The following CHRNB3 variants were observed in gnomAD, a reference collection of about 807,000 sequenced individuals.
CHRNB3 encodes neuronal acetylcholine receptor subunit beta-3.
A neutral mutation model predicts 40.6 loss-of-function variants in CHRNB3; 37 were observed. The observed-to-expected ratio is 0.91, with a 90% CI of 0.70 to 1.20. The LOEUF is 1.20. CHRNB3 is among the 50% of genes most tolerant of loss of function. The pLI is 0.00. For missense variants in CHRNB3, 505 were observed against 551.2 expected (o/e 0.92, Z 0.84); for synonymous variants, 207 against 207.1 (o/e 1.00, Z 0.00).
At chr8:42,703,280 T>C (rs142092460) in intron 1 of CHRNB3, among the ~76,000 whole-genome samples, 1,668 of 151,036 alleles carry the variant, frequency 0.011, 37 homozygotes, top group African/African-American at 0.039. Context: ...AAAAATTAGC[T>C]GGGCATGTTG....
chr8:42,724,536 G>A (rs1335951379), intron 3 of CHRNB3, among the ~76,000 whole-genome samples: 1 of 152,088 alleles, frequency 6.6e-6, no homozygotes, highest in East Asian at 1.9e-4. Context: ...GGGGTTGGTC[G>A]ACTGCTACAG....
chr8:42,708,474 TACACACACAC>T (rs4955), intron 1 of CHRNB3, among the ~76,000 whole-genome samples: 1 of 148,814 alleles, frequency 6.7e-6, no homozygotes, highest in African/African-American at 2.5e-5. Context: ...TCAAAAAAAA[TACACACACAC>T]ACACACACAC....
rs866291587 is a variant in CHRNB3 at position 42,732,696 on chromosome 8, G to A, written c.1242+147G>A. 1.4e-5 allele frequency: 11 copies of A among 773,568 alleles called. No individual in the cohort carries two copies. The Middle Eastern group carries it at 1.2e-3, about 84-fold the overall frequency. The allele number at this position is 773,568 out of a possible 1,614,324, so 47.9% of individuals were successfully genotyped here. On this transcript the variant is annotated intron_variant, in intron 5 of 5. Transcript: ENST00000289957. ...TTTATACATATAACATTTAAAGCAA[G>A]CCCTGACATAACATAGCGACATTAG...
At chr8:42,706,795 C>G (rs758247183) in intron 1 of CHRNB3, among the ~76,000 whole-genome samples, 9 of 152,140 alleles carry the variant, frequency 5.9e-5, no homozygotes, top group Admixed American at 1.3e-4. Flanking sequence ...GGGTCTTGCT[C>G]TGTCACCTAG....
In CHRNB3 at chr8:42,710,367, T is replaced by C. The variant is rs369617386; in HGVS notation, c.205-23T>C. The C allele has an allele frequency of 5.1e-6, 8 of 1,561,140 alleles. No individual in the cohort carries two copies. In the African/African-American group the frequency reaches 1.1e-4, roughly 21 times the overall value. On this transcript the variant is annotated intron_variant, in intron 2 of 5. Coordinates refer to ENST00000289957, the MANE Select transcript of CHRNB3 (RefSeq NM_000749.5). The stretch of plus-strand genomic sequence containing the variant: ...TTATTTTCACTTCAACTTACAGTAT[T>C]TTTTAAATTTTCATTTTCTTAGGAT...
At chr8:42,703,655 AT>A (rs758103472) in intron 1 of CHRNB3, among the ~76,000 whole-genome samples, 1 of 151,954 alleles carries the variant, frequency 6.6e-6, no homozygotes, top group Non-Finnish European at 1.5e-5. Flanking sequence ...CCTTGAGCGC[AT>A]CTGTGATTTT....
intron 1 of CHRNB3, 26 bp downstream of exon 1, chr8:42,697,624 A>T: frequency 6.3e-7 from 1 of 1,580,844 alleles, no homozygotes; most frequent in Non-Finnish European, 8.7e-7. Flanking sequence ...AGTAAATTAA[A>T]ACTACAGTTG....
chr8:42,705,396 G>C (rs1343845564), intron 1 of CHRNB3, among the ~76,000 whole-genome samples: 1 of 152,240 alleles, frequency 6.6e-6, no homozygotes, highest in East Asian at 1.9e-4. Context: ...CAACGCAGTA[G>C]TGTTGGGAGG....
chr8:42,708,353 G>C (rs1815953094), intron 1 of CHRNB3, among the ~76,000 whole-genome samples: 1 of 151,910 alleles, frequency 6.6e-6, no homozygotes, highest in Admixed American at 6.6e-5. Context: ...GTAGTCCCAG[G>C]TACTCGAGAG....
At position 42,708,720 on chromosome 8, in the gene CHRNB3, C is replaced by A. The variant is rs1815961276; in HGVS notation, c.56C>A (p.Thr19Asn). The A allele has an allele frequency of 1.2e-6, 2 of 1,613,702 alleles. No homozygotes were observed. Among genetic ancestry groups the A allele is most frequent in the African/African-American group, 1.3e-5 (1 of 75,020 alleles). Residue 19 changes from threonine (T) to asparagine (N), a missense_variant, in exon 2 of 6, where the codon ACC becomes AAC. Coordinates refer to ENST00000289957, the MANE Select transcript of CHRNB3 (RefSeq NM_000749.5). ...LIVLGIPSSA[T>N]TGFNSIAENE... ...TCCACCCATGATTCTTTTACAGCCA[C>A]CACAGGTTTCAACTCAATCGCCGAA...
Position 42,707,107 on chromosome 8 carries a change from A to G in CHRNB3, c.53-1610A>G, listed in dbSNP as rs182491047. On this transcript the variant is annotated intron_variant, in intron 1 of 5. Coordinates refer to ENST00000289957, the MANE Select transcript of CHRNB3 (RefSeq NM_000749.5). ...CAAATGTAAGGTTGCGTCTCTCCCT[A>G]TCACTCATTTGCATTTTATGTGGAG... Among the ~76,000 whole-genome samples the G allele has an allele frequency of 6.6e-5, 10 of 152,264 alleles. No individual in the cohort carries two copies. The East Asian group carries it at 1.9e-3, about 29-fold the overall frequency.
chr8:42,701,785 C>T (rs1586390522), intron 1 of CHRNB3, among the ~76,000 whole-genome samples: 1 of 152,176 alleles, frequency 6.6e-6, no homozygotes, highest in Non-Finnish European at 1.5e-5. Flanking sequence ...GCTCCCCAGT[C>T]ATATGCACAT....
At chr8:42,716,459 C>T (rs1238588657) in intron 3 of CHRNB3, among the ~76,000 whole-genome samples, 1 of 152,096 alleles carries the variant, frequency 6.6e-6, no homozygotes, top group Non-Finnish European at 1.5e-5. Flanking sequence ...CTGGCTTCAC[C>T]GAGGAAAGAA....
chr8:42,728,119 TA>T (rs1316291265), intron 3 of CHRNB3, among the ~76,000 whole-genome samples: 15 of 152,092 alleles, frequency 9.9e-5, no homozygotes, highest in African/African-American at 2.7e-4. Flanking sequence ...AAAAACTCAG[TA>T]AGAAAACAAA....
intron 3 of CHRNB3, among the ~76,000 whole-genome samples, 193 bp from the exon 4 acceptor site, chr8:42,730,401 G>A (rs1816385185): frequency 6.6e-6 from 1 of 152,122 alleles, no homozygotes; most frequent in African/African-American, 2.4e-5. Context: ...TGTGGGCCTG[G>A]GTGAGATCAG....
At chr8:42,732,668 C>A in intron 5 of CHRNB3, 119 bp downstream of exon 5, 2 of 924,598 alleles carry the variant, frequency 2.2e-6, no homozygotes, top group Non-Finnish European at 3.1e-6. Flanking sequence ...ATAAGACATG[C>A]TTTTTATACA....
At chr8:42,713,559 G>C (rs1487121001) in intron 3 of CHRNB3, among the ~76,000 whole-genome samples, 1 of 152,130 alleles carries the variant, frequency 6.6e-6, no homozygotes, top group Non-Finnish European at 1.5e-5. Flanking sequence ...TAAGGTACAA[G>C]TGCAGTTTTG....
intron 3 of CHRNB3, among the ~76,000 whole-genome samples, chr8:42,721,560 C>T (rs1172051713): frequency 6.6e-6 from 1 of 151,856 alleles, no homozygotes; most frequent in East Asian, 1.9e-4. Flanking sequence ...TCTGTCTCTA[C>T]AAAAAATACA....
Position 42,731,798 on chromosome 8 carries a change from G to T in CHRNB3, c.491G>T (p.Arg164Leu). The T allele has an allele frequency of 1.2e-6, 2 of 1,614,022 alleles. No individual in the cohort carries two copies. Among genetic ancestry groups the T allele is most frequent in the South Asian group, 1.1e-5 (1 of 91,072 alleles). Residue 164 changes from arginine to leucine, a missense_variant, in exon 5 of 6, where the codon CGA becomes CTA. By Grantham distance (102) the Arg-to-Leu change is moderately radical. Transcript: ENST00000289957. ...TMDVTFFPFD[R>L]QNCSMKFGSW... ...GACGTCACGTTTTTCCCGTTCGACC[G>T]ACAGAACTGCTCCATGAAGTTTGGA...
Sources: gnomAD v4.1 joint callset for allele counts (sites outside exome capture counted in the v4.1 genomes callset) on GRCh38, gnomAD v4.1.1 for gene constraint, MANE v1.5 for transcripts, NCBI Gene and HGNC (gene_info 2026-07-23, HGNC 2026-07-21) for gene names.